OPCML: variants seen among roughly 807,000 people sequenced by gnomAD.
OPCML encodes opioid binding protein/cell adhesion molecule like.
A neutral mutation model predicts 37.8 loss-of-function variants in OPCML; 13 were observed. That is an observed-to-expected ratio of 0.34 (90% CI 0.22 to 0.55). The LOEUF is 0.55. Among genes scored for constraint, OPCML ranks in the 20% least tolerant of loss-of-function variants. OPCML has a pLI of 0.91. For synonymous variants in OPCML, 176 were observed against 168.8 expected (o/e 1.04, Z -0.33); for missense variants, 341 against 435.6 (o/e 0.78, Z 1.93).
At chr11:132,872,578 G>A (rs539917593) in intron 2 of OPCML, among the ~76,000 whole-genome samples, 64 of 152,180 alleles carry the variant, frequency 4.2e-4, no homozygotes, top group African/African-American at 1.1e-3. Flanking sequence ...GGCAGCCACC[G>A]TGCTCACTCC....
chr11:132,783,669 G>C (rs912092073), intron 2 of OPCML, among the ~76,000 whole-genome samples: 3 of 152,008 alleles, frequency 2.0e-5, no homozygotes, highest in Non-Finnish European at 4.4e-5. Context: ...TACTCCCAAA[G>C]GCATCAGTAA....
chr11:133,296,398 G>A (rs961406598), intron 1 of OPCML, among the ~76,000 whole-genome samples: 8 of 152,136 alleles, frequency 5.3e-5, no homozygotes, highest in East Asian at 1.9e-4. Context: ...AAAAGACTCC[G>A]CAGGTACTGT....
At chr11:132,556,375 C>T (rs922378460) in intron 3 of OPCML, among the ~76,000 whole-genome samples, 6 of 152,100 alleles carry the variant, frequency 3.9e-5, no homozygotes, top group Non-Finnish European at 4.4e-5. Context: ...ACCCAAAGAT[C>T]TTCAAAACAT....
chr11:133,354,279 A>AGTGATGATGGTGCTG (rs1944221006), intron 1 of OPCML, among the ~76,000 whole-genome samples: 1 of 19,728 alleles, frequency 5.1e-5, no homozygotes, highest in East Asian at 1.9e-3. Flanking sequence ...TGGTGGTGAT[A>AGTGATGATGGTGCTG]GTGATGGTGG....
intron 4 of OPCML, among the ~76,000 whole-genome samples, chr11:132,512,661 G>A (rs546454300): frequency 1.3e-5 from 2 of 150,092 alleles, no homozygotes; most frequent in African/African-American, 4.9e-5. Flanking sequence ...GCAATATATA[G>A]TTCATATACA....
intron 3 of OPCML, among the ~76,000 whole-genome samples, chr11:132,639,635 A>T (rs527919882): frequency 1.8e-4 from 28 of 152,346 alleles, no homozygotes; most frequent in South Asian, 8.3e-4. Flanking sequence ...ATGTAAATAT[A>T]TGCAAATATA....
At chr11:132,475,048 G>T (rs2096150787) in intron 4 of OPCML, among the ~76,000 whole-genome samples, 4 of 152,116 alleles carry the variant, frequency 2.6e-5, no homozygotes, top group Admixed American at 2.6e-4. Flanking sequence ...AGGTTTCTGT[G>T]CTTTCTTCTT....
chr11:133,294,417 A>G (rs7128156), intron 1 of OPCML, among the ~76,000 whole-genome samples: 12,375 of 152,132 alleles, frequency 0.081, 650 homozygotes, highest in African/African-American at 0.15. Flanking sequence ...TTTCCTTTCC[A>G]GTCCTTACTT....
chr11:133,171,620 G>A lies in OPCML; in HGVS notation c.62-228610C>T, dbSNP rs533407089. On this transcript the variant is annotated intron_variant, in intron 1 of 7. Coordinates refer to ENST00000524381, the MANE Select transcript of OPCML (RefSeq NM_001012393.5). ...AACTGTTTGCTCTGTGTCTGATGCC[G>A]GGTTGTCTGGGGAGAATTTCACAGT... Among the ~76,000 whole-genome samples, 6 of 152,290 alleles carry A rather than the reference G, an allele frequency of 3.9e-5. 1 individual carries two copies. Among genetic ancestry groups the A allele is most frequent in the African/African-American group, 1.2e-4 (5 of 41,552 alleles).
intron 2 of OPCML, among the ~76,000 whole-genome samples, chr11:132,845,531 G>A (rs530790635): frequency 1.1e-4 from 16 of 152,278 alleles, no homozygotes; most frequent in African/African-American, 3.6e-4. Flanking sequence ...TAGCTATGGG[G>A]AGGGATTAGC....
At chr11:132,515,934 C>T (rs575240008) in intron 4 of OPCML, among the ~76,000 whole-genome samples, 134 of 152,172 alleles carry the variant, frequency 8.8e-4, no homozygotes, top group Middle Eastern at 3.4e-3. Context: ...AACTGGATGG[C>T]GTAAGATGGT....
chr11:132,932,591 G>A (rs940908231), intron 2 of OPCML, among the ~76,000 whole-genome samples: 6 of 151,488 alleles, frequency 4.0e-5, no homozygotes, highest in Non-Finnish European at 8.8e-5. Context: ...GGAGAGTCTA[G>A]AATTAATTTA....
intron 1 of OPCML, among the ~76,000 whole-genome samples, chr11:133,144,436 C>G (rs1329715204): frequency 6.6e-6 from 1 of 152,234 alleles, no homozygotes. Context: ...GCTGGCGTAT[C>G]CATTTCAAAT....
At chr11:133,412,750 A>G (rs1250032152) in intron 1 of OPCML, among the ~76,000 whole-genome samples, 2 of 152,188 alleles carry the variant, frequency 1.3e-5, no homozygotes, top group East Asian at 1.9e-4. Flanking sequence ...GGTAAATGAG[A>G]TTGGAATCAA....
At chr11:132,551,960 T>C (rs2096382681) in intron 3 of OPCML, among the ~76,000 whole-genome samples, 1 of 152,164 alleles carries the variant, frequency 6.6e-6, no homozygotes, top group African/African-American at 2.4e-5. Context: ...GCAACAAATA[T>C]CTTTGTCTGT....
chr11:132,555,159 G>A (rs971008386), intron 3 of OPCML, among the ~76,000 whole-genome samples: 17 of 152,072 alleles, frequency 1.1e-4, no homozygotes, highest in African/African-American at 3.9e-4. Flanking sequence ...TTCCTAGAGA[G>A]AAACATGCAT....
chr11:132,515,182 A>G (rs1428935265), intron 4 of OPCML, among the ~76,000 whole-genome samples: 2 of 152,158 alleles, frequency 1.3e-5, no homozygotes, highest in Non-Finnish European at 2.9e-5. Flanking sequence ...AAAATCATCT[A>G]AGGTATCATT....
At chr11:132,578,930 C>G (rs1017038479) in intron 3 of OPCML, among the ~76,000 whole-genome samples, 1 of 151,988 alleles carries the variant, frequency 6.6e-6, no homozygotes, top group African/African-American at 2.4e-5. Flanking sequence ...TGTGCTTCTC[C>G]CTGAATCAAC....
chr11:132,524,260 A>G (rs2096302132), intron 4 of OPCML, among the ~76,000 whole-genome samples: 1 of 152,156 alleles, frequency 6.6e-6, no homozygotes, highest in Non-Finnish European at 1.5e-5. Context: ...GTAATTCTTG[A>G]AGTGCAGCTG....
Sources: allele counts gnomAD v4.1 joint callset (sites outside exome capture counted in the v4.1 genomes callset), GRCh38; gene constraint gnomAD v4.1.1; transcripts MANE v1.5; gene names NCBI Gene and HGNC (gene_info 2026-07-23, HGNC 2026-07-21).